STAB2: variants seen among roughly 807,000 people sequenced by gnomAD.
STAB2 encodes the protein stabilin-2.
In STAB2, 288 loss-of-function variants were observed where a neutral mutation model predicts 338.1. That is an observed-to-expected ratio of 0.85 (90% CI 0.77 to 0.94). The LOEUF (loss-of-function observed/expected upper bound fraction) is 0.94, where lower values mean the gene tolerates loss of function less well. Among genes scored for constraint, STAB2 ranks in the 40% least tolerant of loss-of-function variants. STAB2 has a pLI of 0.00. For missense variants in STAB2, 3,141 were observed against 3,210.1 expected (o/e 0.98, Z 0.52); for synonymous variants, 1,202 against 1,193.3 (o/e 1.01, Z -0.15).
Position 103,755,311 on chromosome 12 carries a change from C to G in STAB2, c.6724C>G (p.His2242Asp). The G allele has an allele frequency of 6.2e-7, 1 of 1,613,976 alleles. No individual in the cohort carries two copies. The highest frequency in any genetic ancestry group is 8.5e-7 in the Non-Finnish European group (1 of 1,180,002). ...GTCTGTATCCCTGCAGGCCAAGTAC[C>G]ACCTGTGCTCAGCAGGCTGGCTGGA... ...QLSYAQKAKY[H>D]LCSAGWLETG... is the part of the protein sequence containing the mutation. The change falls in exon 62 of 69, where the codon CAC becomes GAC. Residue 2242 changes from histidine (H) to aspartate (D), a missense_variant. Physicochemically the swap from His to Asp is moderately conservative, Grantham distance 81 (BLOSUM62 -1). Coordinates refer to ENST00000388887, the MANE Select transcript of STAB2 (RefSeq NM_017564.10).
intron 3 of STAB2, among the ~76,000 whole-genome samples, chr12:103,617,913 C>T (rs957055334): frequency 1.3e-5 from 2 of 152,152 alleles, no homozygotes; most frequent in East Asian, 1.9e-4. Flanking sequence ...TAGACTGTGT[C>T]GTTTACTAAT....
chr12:103,666,032 A>C (rs1875059480), intron 18 of STAB2, among the ~76,000 whole-genome samples: 1 of 152,188 alleles, frequency 6.6e-6, no homozygotes. Flanking sequence ...CTGGCTCTGA[A>C]AGAAGTAAAA....
At chr12:103,696,705 CT>C (rs1450536778) in intron 33 of STAB2, among the ~76,000 whole-genome samples, 2 of 152,202 alleles carry the variant, frequency 1.3e-5, no homozygotes, top group Non-Finnish European at 2.9e-5. Flanking sequence ...TAATCCACCC[CT>C]CTAGGTCCCT....
At chr12:103,697,191 C>A (rs4981031) in intron 33 of STAB2, among the ~76,000 whole-genome samples, 32 of 151,996 alleles carry the variant, frequency 2.1e-4, no homozygotes, top group African/African-American at 7.0e-4. Context: ...ATGTGTACCC[C>A]CTTTCAGCAT....
In STAB2 at chr12:103,692,798, G is replaced by A. The variant is rs1878062243; in HGVS notation, c.3298-14G>A. 1.2e-6 allele frequency: 2 copies of A among 1,610,440 alleles called. No homozygotes were observed. ...TATAAAGACTCATCTTCCCACTGTGGTTTGCATTTACAGAATATCACAATT... is the reference window on the plus strand; with the variant it reads ...TATAAAGACTCATCTTCCCACTGTGATTTGCATTTACAGAATATCACAATT... On this transcript the variant is annotated splice_polypyrimidine_tract_variant and intron_variant, in intron 30 of 68. Transcript: ENST00000388887.
chr12:103,613,646 A>T (rs925830616), intron 3 of STAB2, among the ~76,000 whole-genome samples: 1 of 151,950 alleles, frequency 6.6e-6, no homozygotes, highest in African/African-American at 2.4e-5. Context: ...GGGCGAGGCA[A>T]TGCCTCGCCC....
At chr12:103,746,219 G>C (rs184821441) in intron 57 of STAB2, 1 of 189,184 alleles carries the variant, frequency 5.3e-6, no homozygotes, top group South Asian at 1.0e-4. Flanking sequence ...CCCTCAGAAG[G>C]CCATGGAATT....
In STAB2 at chr12:103,737,684, CTT is replaced by C; in HGVS notation, c.5602_5603del (p.Leu1868ValfsTer2). 6.2e-7 allele frequency: 1 copy of C among 1,601,276 alleles called. No homozygotes were observed. The highest frequency in any genetic ancestry group is 8.5e-7 in the Non-Finnish European group (1 of 1,175,140). The stretch of plus-strand genomic sequence containing the variant: ...CCTGCAGAATTGTGCAGCGGGAGCT[CTT>C]GTTTGACCTGGGTGTGGCCTACGGC... ...QTCRIVQREL[L>X]FDLGVAYGID... is the part of the protein sequence containing the mutation. On this transcript the variant is annotated frameshift_variant, in exon 53 of 69. Coordinates refer to ENST00000388887, the MANE Select transcript of STAB2 (RefSeq NM_017564.10). LOFTEE classifies it high-confidence loss of function.
intron 3 of STAB2, among the ~76,000 whole-genome samples, chr12:103,607,975 A>G (rs1274418949): frequency 6.6e-6 from 1 of 152,194 alleles, no homozygotes; most frequent in Non-Finnish European, 1.5e-5. Context: ...GACTTCCACA[A>G]TGGTTGAACT....
Position 103,669,551 on chromosome 12 carries a change from G to C in STAB2, c.2183G>C (p.Cys728Ser). 1 of 1,614,192 alleles carries C rather than the reference G, an allele frequency of 6.2e-7. No individual in the cohort carries two copies. Among genetic ancestry groups the C allele is most frequent in the South Asian group, 1.1e-5 (1 of 91,090 alleles). Residue 728 changes from cysteine (C) to serine (S), a missense_variant, in exon 21 of 69, where the codon TGC (cysteine) becomes TCC (serine). Physicochemically the swap from Cys to Ser is moderately radical, Grantham distance 112. Coordinates refer to ENST00000388887, the MANE Select transcript of STAB2 (RefSeq NM_017564.10). ...CATTTTGTTTTTCAGATTCCAAAGT[G>C]CTGCAAAGGCTTCTATGGACCTGAC... ...YCNATVKIPK[C>S]CKGFYGPDCN...
At chr12:103,632,815 A>G (rs1348664182) in intron 6 of STAB2, among the ~76,000 whole-genome samples, 1 of 152,216 alleles carries the variant, frequency 6.6e-6, no homozygotes, top group African/African-American at 2.4e-5. Flanking sequence ...CGACCTGTGA[A>G]GGAGAAACTC....
At chr12:103,683,116 C>G (rs1877074282) in intron 25 of STAB2, 89 bp from the exon 26 acceptor site, 1 of 1,158,984 alleles carries the variant, frequency 8.6e-7, no homozygotes, top group East Asian at 2.4e-5. Flanking sequence ...CTTCAGTTTC[C>G]ATAGTACGTT....
intron 44 of STAB2, among the ~76,000 whole-genome samples, chr12:103,721,814 T>A (rs907011039): frequency 1.3e-5 from 2 of 152,192 alleles, no homozygotes; most frequent in Middle Eastern, 3.4e-3. Context: ...GAGAGGGAGA[T>A]AAATCACTGG....
At chr12:103,669,468 T>G (rs1875514583) in intron 20 of STAB2, 73 bp from the exon 21 acceptor site, 3 of 1,321,336 alleles carry the variant, frequency 2.3e-6, no homozygotes, top group Non-Finnish European at 3.3e-6. Flanking sequence ...TAATGGAAAT[T>G]AAAATGCATC....
At chr12:103,625,257 G>A (rs1957363326) in intron 5 of STAB2, among the ~76,000 whole-genome samples, 1 of 152,212 alleles carries the variant, frequency 6.6e-6, no homozygotes, top group African/African-American at 2.4e-5. Flanking sequence ...GAGCACAGAT[G>A]CGCAGGGAAA....
chr12:103,732,020 A>G (rs1881674152), intron 50 of STAB2, among the ~76,000 whole-genome samples: 4 of 152,184 alleles, frequency 2.6e-5, no homozygotes, highest in Admixed American at 2.6e-4. Context: ...TTAAAACCGT[A>G]TCTTTCTGGC....
At chr12:103,654,411 C>A in intron 12 of STAB2, 144 bp from the exon 13 acceptor site, 1 of 842,612 alleles carries the variant, frequency 1.2e-6, no homozygotes, top group Non-Finnish European at 1.8e-6. Context: ...ACTTTCATCC[C>A]CACTTTAGAT....
chr12:103,589,600 A>C (rs150539152), intron 1 of STAB2, among the ~76,000 whole-genome samples: 8 of 152,322 alleles, frequency 5.3e-5, no homozygotes, highest in Non-Finnish European at 1.0e-4. Flanking sequence ...CTTTTAATGG[A>C]GTGCAAAAAC....
intron 47 of STAB2, among the ~76,000 whole-genome samples, chr12:103,728,592 T>G (rs1881393712): frequency 6.6e-6 from 1 of 152,262 alleles, no homozygotes; most frequent in African/African-American, 2.4e-5. Flanking sequence ...CAACATGTAT[T>G]GTGAAATCCA....
Sources: allele counts gnomAD v4.1 joint callset (sites outside exome capture counted in the v4.1 genomes callset), GRCh38; gene constraint gnomAD v4.1.1; transcripts MANE v1.5; gene names NCBI Gene and HGNC (gene_info 2026-07-23, HGNC 2026-07-21).